Variants in DGKH observed in about 807,000 individuals in gnomAD.
DGKH encodes the protein diacylglycerol kinase eta, also known as DAG kinase eta.
A neutral mutation model predicts 159.3 loss-of-function variants in DGKH; 90 were observed. That is an observed-to-expected ratio of 0.57 (90% CI 0.48 to 0.67). DGKH has a LOEUF of 0.67. Among genes scored for constraint, DGKH ranks in the 30% least tolerant of loss-of-function variants. DGKH has a pLI of 0.00. For synonymous variants in DGKH, 536 were observed against 553.8 expected, an observed-to-expected ratio of 0.97 and a Z score of 0.45; for missense variants, 1,181 against 1,506.1, an observed-to-expected ratio of 0.78 and a Z score of 3.57.
chr13:42,202,489 C>A (rs1957372005), intron 20 of DGKH, among the ~76,000 whole-genome samples: 1 of 152,174 alleles, frequency 6.6e-6, no homozygotes, highest in Non-Finnish European at 1.5e-5. Flanking sequence ...CATGTCTTAA[C>A]TTTAAATTTG....
chr13:42,138,854 C>G (rs1955465635), intron 3 of DGKH, among the ~76,000 whole-genome samples: 1 of 151,994 alleles, frequency 6.6e-6, no homozygotes, highest in Non-Finnish European at 1.5e-5. Flanking sequence ...TAAAATGATG[C>G]CATATTAATG....
rs1248211794 is a variant in DGKH, at chr13:42,051,462, TA to T, written c.192+2498del. ...TTCTTGGGGAAGAAAGTGAGAGCAA[TA>T]GGGGGAATTTATAGAATGAGAACTA... is the stretch of plus-strand genomic sequence containing the variant. On this transcript the variant is annotated intron_variant, in intron 1 of 29. Transcript: ENST00000337343. Among the ~76,000 whole-genome samples the T allele has an allele frequency of 5.3e-5, 8 of 152,110 alleles. No homozygotes were observed. In the East Asian group the frequency reaches 1.4e-3, roughly 26 times the overall value.
rs752700573 is a variant in DGKH, at chr13:42,209,414, G to C, written c.2799G>C (p.Gly933=). Residue 933 remains glycine (G), a synonymous_variant, in exon 23 of 30, where the codon GGG becomes GGC. Transcript: ENST00000337343. ...VDGEAWVQPP[G]IIKIVHKNRA... ...GTGAAGCGTGGGTTCAGCCTCCAGG[G>C]ATTATCAAAATTGTGCACAAAAACA... is the stretch of plus-strand genomic sequence containing the variant. The C allele has an allele frequency of 6.2e-7, 1 of 1,613,384 alleles. No homozygotes were observed. The highest frequency in any genetic ancestry group is 2.2e-5 in the East Asian group (1 of 44,852).
intron 17 of DGKH, among the ~76,000 whole-genome samples, chr13:42,197,259 A>AC (rs1957224006): frequency 6.9e-6 from 1 of 144,256 alleles, no homozygotes; most frequent in South Asian, 2.3e-4. Context: ...CAACAAAAAA[A>AC]AAAAAAAAAA....
chr13:42,178,330 G>A, intron 13 of DGKH, 110 bp downstream of exon 13: 2 of 808,286 alleles, frequency 2.5e-6, no homozygotes, highest in Non-Finnish European at 3.7e-6. Flanking sequence ...TATCTTGGAA[G>A]TAGCTTATAA....
chr13:42,213,995 G>C (rs1033909978), intron 24 of DGKH, among the ~76,000 whole-genome samples: 1 of 152,132 alleles, frequency 6.6e-6, no homozygotes, highest in African/African-American at 2.4e-5. Flanking sequence ...ACGTCTCTCT[G>C]AGCCTCAATG....
At chr13:42,043,353 TTTTTG>T (rs1880624096) in intron 1 of DGKH, among the ~76,000 whole-genome samples, 1 of 152,102 alleles carries the variant, frequency 6.6e-6, no homozygotes, top group Non-Finnish European at 1.5e-5. Flanking sequence ...TTTAAAAACT[TTTTTG>T]TTTTGTTTTT....
intron 3 of DGKH, among the ~76,000 whole-genome samples, chr13:42,149,164 A>C (rs1031696468): frequency 6.6e-5 from 10 of 151,990 alleles, no homozygotes; most frequent in African/African-American, 2.4e-4. Context: ...TCTGGCCTCA[A>C]GTAGTCTTCC....
chr13:42,195,144 C>G (rs188566633), intron 17 of DGKH, 128 bp downstream of exon 17: 2 of 1,256,672 alleles, frequency 1.6e-6, no homozygotes, highest in Non-Finnish European at 2.1e-6. Flanking sequence ...TCTTGTTATA[C>G]TTTCAGTCAG....
At chr13:42,047,615 A>T (rs1202433588), upstream of DGKH, among the ~76,000 whole-genome samples, 1 of 152,182 alleles carries the variant, frequency 6.6e-6, no homozygotes, top group Non-Finnish European at 1.5e-5. Flanking sequence ...TTTGACGTTG[A>T]GCGTGCACAA....
At chr13:42,092,455 G>T (rs1304433309) in intron 1 of DGKH, among the ~76,000 whole-genome samples, 2 of 152,184 alleles carry the variant, frequency 1.3e-5, no homozygotes, top group African/African-American at 4.8e-5. Flanking sequence ...GACATGGATG[G>T]AACTGGAGGT....
chr13:42,058,226 A>G (rs1487238263), intron 1 of DGKH, among the ~76,000 whole-genome samples: 2 of 152,198 alleles, frequency 1.3e-5, no homozygotes, highest in Non-Finnish European at 2.9e-5. Context: ...GATTCATGGA[A>G]ACTGACTTTT....
At chr13:42,204,740 C>T (rs1472222234) in intron 20 of DGKH, among the ~76,000 whole-genome samples, 1 of 152,174 alleles carries the variant, frequency 6.6e-6, no homozygotes, top group Non-Finnish European at 1.5e-5. Flanking sequence ...GGTCTCTGCC[C>T]TGGATTTTCA....
At chr13:42,135,955 G>A (rs1425970515) in intron 3 of DGKH, among the ~76,000 whole-genome samples, 1 of 152,150 alleles carries the variant, frequency 6.6e-6, no homozygotes, top group Non-Finnish European at 1.5e-5. Flanking sequence ...AATTTGTAGA[G>A]GATAGGAGCT....
chr13:42,218,654 G>T (rs1054227240), intron 26 of DGKH, among the ~76,000 whole-genome samples: 9 of 151,874 alleles, frequency 5.9e-5, no homozygotes, highest in African/African-American at 1.7e-4. Flanking sequence ...GATTACAGGC[G>T]CCCAACACCA....
At chr13:42,203,018 T>C (rs1957384105) in intron 20 of DGKH, among the ~76,000 whole-genome samples, 1 of 152,212 alleles carries the variant, frequency 6.6e-6, no homozygotes. Flanking sequence ...TAATGAAATA[T>C]GTGATTGAGA....
chr13:42,150,661 A>G (rs1955857073), intron 3 of DGKH, among the ~76,000 whole-genome samples: 1 of 152,234 alleles, frequency 6.6e-6, no homozygotes, highest in African/African-American at 2.4e-5. Context: ...GTAACCATAG[A>G]TATTAATTGA....
chr13:42,048,292 C>A (rs1312623650), upstream of DGKH, among the ~76,000 whole-genome samples: 1 of 151,852 alleles, frequency 6.6e-6, no homozygotes, highest in South Asian at 2.1e-4. The surrounding 1 kb of genome is among the most constrained non-coding windows in gnomAD (Gnocchi z 6.7). Flanking sequence ...GGTTCCCATT[C>A]TTCCCCAGGG....
At chr13:42,090,469 T>C (rs1388492310) in intron 1 of DGKH, among the ~76,000 whole-genome samples, 1 of 152,056 alleles carries the variant, frequency 6.6e-6, no homozygotes, top group Non-Finnish European at 1.5e-5. Context: ...AAGAACAAAG[T>C]TGGATGTCTC....
Sources: gnomAD v4.1 joint callset for allele counts (sites outside exome capture counted in the v4.1 genomes callset) on GRCh38, gnomAD v4.1.1 for gene constraint, Gnocchi (gnomAD v3.1) non-coding constraint, MANE v1.5 for transcripts, NCBI Gene and HGNC (gene_info 2026-07-23, HGNC 2026-07-21) for gene names.